NAT1: variants seen among roughly 807,000 people sequenced by gnomAD.
NAT1 encodes N-acetyltransferase 1.
For synonymous variants in NAT1, 144 were observed against 122.6 expected, an observed-to-expected ratio of 1.17 and a Z score of -1.16; for missense variants, 400 against 339.2, an observed-to-expected ratio of 1.18 and a Z score of -1.41.
upstream of NAT1, among the ~76,000 whole-genome samples, chr8:18,205,140 A>C (rs1803653341): frequency 6.6e-6 from 1 of 152,202 alleles, no homozygotes; most frequent in Non-Finnish European, 1.5e-5. Context: ...GGTTACAGCA[A>C]GATCCATTCT....
At chr8:18,217,145 T>C (rs746267395) in intron 1 of NAT1, 1 of 169,598 alleles carries the variant, frequency 5.9e-6, no homozygotes, top group Non-Finnish European at 1.2e-5. Flanking sequence ...CATGATGAGA[T>C]CAGGTTGTTC....
upstream of NAT1, among the ~76,000 whole-genome samples, chr8:18,205,691 G>A (rs960849468): frequency 1.3e-5 from 2 of 152,226 alleles, no homozygotes; most frequent in Non-Finnish European, 1.5e-5. Flanking sequence ...AATGTGAGGA[G>A]TTGCACTGGG....
chr8:18,199,317 CAA>C (rs373393013), intron 2 of NAT1, among the ~76,000 whole-genome samples: 68 of 87,410 alleles, frequency 7.8e-4, no homozygotes, highest in Non-Finnish European at 6.3e-4. Flanking sequence ...GACTCTGTCT[CAA>C]AAAAAAAAAA....
At chr8:18,214,813 T>C (rs1804471133) in intron 1 of NAT1, among the ~76,000 whole-genome samples, 1 of 152,212 alleles carries the variant, frequency 6.6e-6, no homozygotes, top group African/African-American at 2.4e-5. Flanking sequence ...CCGTTAGTAA[T>C]TTTTCCTGAT....
At chr8:18,200,265 G>A (rs112243939) in intron 2 of NAT1, among the ~76,000 whole-genome samples, 19,081 of 151,914 alleles carry the variant, frequency 0.13, 2,834 homozygotes, top group African/African-American at 0.36. Context: ...AGCACTATTC[G>A]CAATAGCAAA....
intron 2 of NAT1, among the ~76,000 whole-genome samples, chr8:18,198,033 AT>A (rs1398170267): frequency 6.6e-6 from 1 of 152,210 alleles, no homozygotes. Flanking sequence ...AAGGCAAAAA[AT>A]AAATTAAAAA....
intron 2 of NAT1, among the ~76,000 whole-genome samples, chr8:18,183,646 A>T (rs1216523480): frequency 6.6e-6 from 1 of 152,324 alleles, no homozygotes; most frequent in East Asian, 1.9e-4. Flanking sequence ...GGTGAGACTG[A>T]AGCATGGTTC....
At chr8:18,180,759 A>G (rs1026708796) in intron 2 of NAT1, among the ~76,000 whole-genome samples, 1 of 152,194 alleles carries the variant, frequency 6.6e-6, no homozygotes, top group Non-Finnish European at 1.5e-5. Flanking sequence ...ACATCAAGTT[A>G]TACCTCATAA....
At chr8:18,221,342 A>G (rs8190851) in intron 2 of NAT1, among the ~76,000 whole-genome samples, 2,649 of 148,106 alleles carry the variant, frequency 0.018, 48 homozygotes, top group Middle Eastern at 0.086. Context: ...CAACTAATTT[A>G]AAATTGGAGC....
At chr8:18,178,060 T>TC (rs1802359586) in intron 2 of NAT1, among the ~76,000 whole-genome samples, 1 of 152,026 alleles carries the variant, frequency 6.6e-6, no homozygotes, top group Admixed American at 6.6e-5. Context: ...CTAAAAGGCA[T>TC]TATTAGGTCA....
chr8:18,185,540 C>G (rs182657349), intron 2 of NAT1, among the ~76,000 whole-genome samples: 4 of 152,256 alleles, frequency 2.6e-5, no homozygotes, highest in Non-Finnish European at 4.4e-5. Context: ...CGTTCCCTCT[C>G]TGTATCTGTC....
intron 2 of NAT1, among the ~76,000 whole-genome samples, chr8:18,220,987 T>A (rs1805220828): frequency 6.6e-6 from 1 of 152,228 alleles, no homozygotes; most frequent in Non-Finnish European, 1.5e-5. Flanking sequence ...TCACTTTGAT[T>A]GTGGCAAACA....
upstream of NAT1, among the ~76,000 whole-genome samples, chr8:18,205,285 G>C (rs1423150665): frequency 6.6e-6 from 1 of 152,202 alleles, no homozygotes; most frequent in African/African-American, 2.4e-5. Context: ...AGCTGTGGGG[G>C]TGGGAGCTTG....
chr8:18,199,969 T>A (rs1446867595), intron 2 of NAT1, among the ~76,000 whole-genome samples: 3 of 152,116 alleles, frequency 2.0e-5, no homozygotes, highest in East Asian at 1.9e-4. Context: ...TGAGATACCA[T>A]CCCCCACCAG....
intron 2 of NAT1, among the ~76,000 whole-genome samples, chr8:18,199,972 C>A (rs1803394858): frequency 1.3e-5 from 2 of 152,116 alleles, no homozygotes; most frequent in Non-Finnish European, 2.9e-5. Context: ...GATACCATCC[C>A]CCACCAGTCA....
intron 2 of NAT1, among the ~76,000 whole-genome samples, chr8:18,195,564 TAATC>T (rs1803195883): frequency 6.6e-6 from 1 of 152,218 alleles, no homozygotes; most frequent in African/African-American, 2.4e-5. Flanking sequence ...ATAATATGTG[TAATC>T]CTATGGGGTC....
Position 18,222,341 on chromosome 8 carries a change from CA to C in NAT1, c.300del (p.Lys100AsnfsTer6). On this transcript the variant is annotated frameshift_variant, in exon 3 of 3. Transcript: ENST00000307719. LOFTEE classifies it low-confidence loss of function (END_TRUNC). ...GAGGGTATGTTTACAGCACTCCAGCCAAAAAATACAGCACTGGCATGATTCA... is the reference window on the plus strand; with the variant it reads ...GAGGGTATGTTTACAGCACTCCAGCCAAAAATACAGCACTGGCATGATTCA... ...LGGYVYSTPA[K>X]KYSTGMIHLL... is the part of the protein sequence containing the mutation. 1 of 1,613,960 alleles carries C rather than the reference CA, an allele frequency of 6.2e-7. No homozygotes were observed. Among genetic ancestry groups the C allele is most frequent in the Non-Finnish European group, 8.5e-7 (1 of 1,179,964 alleles).
chr8:18,199,191 A>G (rs1234587062), intron 2 of NAT1, among the ~76,000 whole-genome samples: 1 of 151,788 alleles, frequency 6.6e-6, no homozygotes, highest in East Asian at 1.9e-4. Context: ...GCGCACATCT[A>G]TAGTCTCAGC....
intron 2 of NAT1, among the ~76,000 whole-genome samples, chr8:18,185,917 A>T (rs537078836): frequency 1.3e-5 from 2 of 152,104 alleles, no homozygotes; most frequent in South Asian, 2.1e-4. Flanking sequence ...TGGCTTAGTT[A>T]TAAGTGTCCT....
Sources: allele counts gnomAD v4.1 joint callset (sites outside exome capture counted in the v4.1 genomes callset), GRCh38; gene constraint gnomAD v4.1.1; transcripts MANE v1.5; gene names NCBI Gene and HGNC (gene_info 2026-07-23, HGNC 2026-07-21).